CNIH3: variants seen among roughly 807,000 people sequenced by gnomAD.
CNIH3 encodes the protein cornichon family AMPA receptor auxiliary protein 3, also known as protein cornichon homolog 3.
CNIH3 carries 14 observed loss-of-function variants against 24.1 expected under a neutral mutation model. The observed-to-expected ratio is 0.58, with a 90% confidence interval of 0.38 to 0.91. The LOEUF (loss-of-function observed/expected upper bound fraction) is 0.91. CNIH3 is among the 40% of genes least tolerant of loss of function. The probability of loss-of-function intolerance (pLI) is 0.00; values close to 1 mark genes in which losing one functional copy is unlikely to be tolerated. For missense variants in CNIH3, 178 were observed against 196.8 expected, an observed-to-expected ratio of 0.90 and a Z score of 0.57; for synonymous variants, 68 against 73.8, an observed-to-expected ratio of 0.92 and a Z score of 0.40.
intron 3 of CNIH3, among the ~76,000 whole-genome samples, chr1:224,560,394 C>G (rs1179196333): frequency 6.6e-6 from 1 of 152,110 alleles, no homozygotes; most frequent in Non-Finnish European, 1.5e-5. Context: ...TTTGTGTTAT[C>G]TTTTAATCAG....
chr1:224,572,270 C>T (rs551862384), intron 4 of CNIH3, among the ~76,000 whole-genome samples: 1 of 152,202 alleles, frequency 6.6e-6, no homozygotes, highest in South Asian at 2.1e-4. Flanking sequence ...AATCCCAGCA[C>T]TTTGGGAGGC....
chr1:224,465,132 G>A lies in CNIH3; in HGVS notation n.203+30270G>A, dbSNP rs577440628. Among the ~76,000 whole-genome samples the A allele has an allele frequency of 1.1e-4, 16 of 149,024 alleles. No homozygotes were observed. The South Asian group carries it at 3.0e-3, about 28-fold the overall frequency. ...TTATCTTTTTTTTTTTTTTTGAGACGGAGTTTCGCTCTTGTTGCCCAGGCT... is the reference window on the plus strand; with the variant it reads ...TTATCTTTTTTTTTTTTTTTGAGACAGAGTTTCGCTCTTGTTGCCCAGGCT... On this transcript the variant is annotated intron_variant and non_coding_transcript_variant, in intron 1 of 5. Coordinates refer to the CNIH3 transcript ENST00000471578.
downstream of CNIH3, among the ~76,000 whole-genome samples, chr1:224,539,568 G>C (rs576933111): frequency 6.6e-6 from 1 of 152,218 alleles, no homozygotes; most frequent in South Asian, 2.1e-4. Flanking sequence ...TCAGTTCCAG[G>C]CTGGGACTTT....
chr1:224,618,510 A>T (rs1453300288), intron 1 of CNIH3, among the ~76,000 whole-genome samples: 1 of 152,252 alleles, frequency 6.6e-6, no homozygotes, highest in Non-Finnish European at 1.5e-5. Flanking sequence ...AGTTTGTCTT[A>T]AAATAGAACT....
downstream of CNIH3, among the ~76,000 whole-genome samples, chr1:224,590,564 A>G (rs982827926): frequency 6.6e-6 from 1 of 152,150 alleles, no homozygotes; most frequent in Non-Finnish European, 1.5e-5. Context: ...TTGCTGTATC[A>G]TCACATGGCA....
rs554447962 is a variant in CNIH3, at chr1:224,487,515, C to T, written n.204-28226C>T. 5.3e-5 allele frequency among the ~76,000 whole-genome samples: 8 copies of T among 152,290 alleles called. No individual in the cohort carries two copies. The East Asian group carries it at 1.5e-3, about 29-fold the overall frequency. On this transcript the variant is annotated intron_variant and non_coding_transcript_variant, in intron 1 of 5. Transcript: ENST00000471578. ...TCCCCAAAGTGGAGAAATGGTTTTT[C>T]TCAGCTGTTTCCCTCCATATTTTAC...
At chr1:224,560,534 C>G (rs925683076) in intron 3 of CNIH3, among the ~76,000 whole-genome samples, 12 of 152,106 alleles carry the variant, frequency 7.9e-5, no homozygotes, top group Non-Finnish European at 1.0e-4. Flanking sequence ...GCATTACCAC[C>G]TAAGCTCCGC....
intron 1 of CNIH3, among the ~76,000 whole-genome samples, chr1:224,676,079 T>A (rs1335251653): frequency 6.6e-6 from 1 of 152,232 alleles, no homozygotes. Flanking sequence ...TGTCAAAATC[T>A]GGAAACAACC....
intron 1 of CNIH3, among the ~76,000 whole-genome samples, chr1:224,495,552 T>C (rs1271562310): frequency 1.3e-5 from 2 of 152,190 alleles, no homozygotes; most frequent in Non-Finnish European, 2.9e-5. Context: ...GGCATCAATA[T>C]GAATGAATCA....
In CNIH3 at chr1:224,610,690, G is replaced by T. The variant is rs527601143; in HGVS notation, n.402+44426G>T. ...TTCACCTTCAATAAACAGAGGTATT[G>T]CTATATATTAGAAGAAGGCAGAAAA... On this transcript the variant is annotated intron_variant and non_coding_transcript_variant, in intron 3 of 7. Transcript: ENST00000478120. 6.6e-5 allele frequency among the ~76,000 whole-genome samples: 10 copies of T among 152,324 alleles called. No homozygotes were observed. The South Asian group carries it at 2.1e-3, about 32-fold the overall frequency.
Position 224,616,339 on chromosome 1 carries a change from C to T in CNIH3, c.-836C>T, listed in dbSNP as rs1682977838. 1 of 460,944 alleles carries T rather than the reference C, an allele frequency of 2.2e-6. No individual in the cohort carries two copies. Among genetic ancestry groups the T allele is most frequent in the Non-Finnish European group, 3.0e-6 (1 of 329,520 alleles). 28.6% of individuals were successfully genotyped at this position (460,944 alleles called of 1,614,324 possible). ...CTCGCAGTGGCAAAGGCGGCGGCGG[C>T]GGCGGCGGCAGCGGCAGCAGCAGGT... is the stretch of plus-strand genomic sequence containing the variant. On this transcript the variant is annotated 5_prime_UTR_variant, in exon 1 of 6. Coordinates refer to ENST00000272133, the MANE Select transcript of CNIH3 (RefSeq NM_152495.2).
At chr1:224,605,047 T>C (rs1247600992) in intron 3 of CNIH3, among the ~76,000 whole-genome samples, 1 of 152,062 alleles carries the variant, frequency 6.6e-6, no homozygotes, top group Non-Finnish European at 1.5e-5. Flanking sequence ...CAAAAAAGGC[T>C]AAAGCAAAGA....
intron 4 of CNIH3, among the ~76,000 whole-genome samples, chr1:224,572,490 T>G (rs1349812832): frequency 6.7e-6 from 1 of 148,544 alleles, no homozygotes; most frequent in African/African-American, 2.5e-5. Context: ...CACTTCAGCC[T>G]GGGTGACAGA....
rs545093044 is a variant in CNIH3, at chr1:224,718,225, G to T, written c.199-12237G>T. Among the ~76,000 whole-genome samples, 338 of 152,174 alleles carry T rather than the reference G, an allele frequency of 2.2e-3. 2 individuals are homozygous for T. The highest frequency in any genetic ancestry group is 0.014 in the Middle Eastern group (4 of 294). On this transcript the variant is annotated intron_variant, in intron 3 of 5. Coordinates refer to ENST00000272133, the MANE Select transcript of CNIH3 (RefSeq NM_152495.2). ...GAGACGATACTAGATTGGCAGGGAG[G>T]GCTCATCTGAGGAGGTGACCTTGAG...
chr1:224,698,937 T>G (rs1687326264), intron 3 of CNIH3, among the ~76,000 whole-genome samples: 1 of 152,178 alleles, frequency 6.6e-6, no homozygotes, highest in Admixed American at 6.5e-5. Context: ...TACAAGTGTT[T>G]CACTTGTTCT....
intron 1 of CNIH3, among the ~76,000 whole-genome samples, chr1:224,642,756 A>G (rs1273313958): frequency 6.6e-6 from 1 of 151,964 alleles, no homozygotes; most frequent in Non-Finnish European, 1.5e-5. Flanking sequence ...CTGATTTCTC[A>G]TTGTCTTAGA....
At chr1:224,496,778 A>C (rs1274711841) in intron 1 of CNIH3, among the ~76,000 whole-genome samples, 1 of 152,238 alleles carries the variant, frequency 6.6e-6, no homozygotes, top group East Asian at 1.9e-4. Context: ...TATTGAAAAC[A>C]GGCATATTAT....
chr1:224,699,683 C>T (rs1572749556), intron 3 of CNIH3, among the ~76,000 whole-genome samples: 1 of 152,118 alleles, frequency 6.6e-6, no homozygotes, highest in Admixed American at 6.5e-5. Flanking sequence ...TTTAGAATGG[C>T]CCTATATGGC....
Position 224,687,611 on chromosome 1 carries a change from G to A in CNIH3, c.198+2768G>A, listed in dbSNP as rs181142322. Among the ~76,000 whole-genome samples the A allele has an allele frequency of 6.4e-4, 97 of 152,204 alleles. 1 individual carries two copies. Among genetic ancestry groups the A allele is most frequent in the Admixed American group, 6.2e-3 (95 of 15,268 alleles). Reference sequence around the variant, plus strand: ...TAAGCACATCTACTTTTAACAATTGGTTATTAGTTCTTTTGTGTGCCCTGG... The same window carrying A: ...TAAGCACATCTACTTTTAACAATTGATTATTAGTTCTTTTGTGTGCCCTGG... On this transcript the variant is annotated intron_variant, in intron 3 of 5. Transcript: ENST00000272133.
Sources: allele counts gnomAD v4.1 joint callset (sites outside exome capture counted in the v4.1 genomes callset), GRCh38; gene constraint gnomAD v4.1.1; transcripts MANE v1.5; gene names NCBI Gene and HGNC (gene_info 2026-07-23, HGNC 2026-07-21).